The following GPHN variants were observed in gnomAD, a reference collection of about 807,000 sequenced individuals.
The protein encoded by GPHN is gephyrin.
GPHN carries 17 observed loss-of-function variants against 95.5 expected under a neutral mutation model. That is an observed-to-expected ratio of 0.18 (90% CI 0.12 to 0.27). GPHN has a LOEUF of 0.27. GPHN is among the 10% of genes least tolerant of loss of function. The probability of loss-of-function intolerance (pLI) is 1.00; values close to 1 mark genes in which losing one functional copy is unlikely to be tolerated. For missense variants in GPHN, 660 were observed against 978.1 expected (o/e 0.67, Z 4.34); for synonymous variants, 320 against 322.5 (o/e 0.99, Z 0.08).
chr14:67,212,769 T>C, the GPHN span, among the ~76,000 whole-genome samples: 1 of 151,124 alleles, frequency 6.6e-6, no homozygotes, highest in Non-Finnish European at 1.5e-5. Context: ...TAACAAAGTA[T>C]AGGCCAAGGG....
the GPHN span, chr14:67,340,513 T>C: frequency 1.9e-6 from 3 of 1,586,448 alleles, no homozygotes; most frequent in Admixed American, 1.8e-5. Context: ...ATCCGGGGAA[T>C]GATGACTAGA....
intron 13 of GPHN, among the ~76,000 whole-genome samples, chr14:67,103,511 C>CTTTTTTTTTTTTTTTTTTTTTTTT: frequency 5.6e-5 from 3 of 53,396 alleles, no homozygotes; most frequent in South Asian, 7.3e-4. Context: ...GTTTCTTTCT[C>CTTTTTTTTTTTTTTTTTTTTTTTT]TTTTTTTTTT....
chr14:67,332,128 A>ACAC, the GPHN span, among the ~76,000 whole-genome samples: 1 of 152,170 alleles, frequency 6.6e-6, no homozygotes, highest in Non-Finnish European at 1.5e-5. Flanking sequence ...CTTCATTGGC[A>ACAC]GGGGTGATTT....
At chr14:66,777,024 T>C (rs180965333) in intron 3 of GPHN, among the ~76,000 whole-genome samples, 2 of 151,684 alleles carry the variant, frequency 1.3e-5, no homozygotes, top group East Asian at 3.9e-4. Context: ...CTCCCAATGC[T>C]ATCCCGAGCT....
At chr14:67,429,120 G>A in the GPHN span, among the ~76,000 whole-genome samples, 1 of 152,220 alleles carries the variant, frequency 6.6e-6, no homozygotes, top group East Asian at 1.9e-4. Context: ...CTGGGCTGAA[G>A]CCATGACTAA....
At chr14:67,302,684 G>T in the GPHN span, 4 of 826,960 alleles carry the variant, frequency 4.8e-6, no homozygotes, top group Admixed American at 3.2e-5. Flanking sequence ...TTTCTAGCCT[G>T]ATTTTTCCAT....
At chr14:67,503,704 TTTTA>T in the GPHN span, among the ~76,000 whole-genome samples, 3 of 152,114 alleles carry the variant, frequency 2.0e-5, no homozygotes, top group South Asian at 6.2e-4. Flanking sequence ...TATTTTTATT[TTTTA>T]TTTATTTATT....
At chr14:67,716,526 A>T in the GPHN span, among the ~76,000 whole-genome samples, 1 of 152,174 alleles carries the variant, frequency 6.6e-6, no homozygotes, top group South Asian at 2.1e-4. Flanking sequence ...GTTTGTGTGT[A>T]TGTCTGCATG....
chr14:66,955,962 A>G (rs1311833952), intron 8 of GPHN, among the ~76,000 whole-genome samples: 1 of 152,136 alleles, frequency 6.6e-6, no homozygotes, highest in Non-Finnish European at 1.5e-5. Context: ...TCATTGATGG[A>G]CATTTGGGTT....
intron 8 of GPHN, among the ~76,000 whole-genome samples, chr14:66,952,052 C>T (rs961805317): frequency 4.2e-4 from 64 of 152,134 alleles, no homozygotes; most frequent in African/African-American, 1.5e-3. Flanking sequence ...ACATAAAATT[C>T]ACCATTCTAA....
chr14:67,214,424 TC>T, the GPHN span, among the ~76,000 whole-genome samples: 6 of 152,354 alleles, frequency 3.9e-5, no homozygotes, highest in East Asian at 1.2e-3. Context: ...AAATAGGGAA[TC>T]CTTTCCCCAT....
chr14:66,905,901 A>G (rs2065355271), intron 5 of GPHN, among the ~76,000 whole-genome samples: 1 of 151,972 alleles, frequency 6.6e-6, no homozygotes, highest in Non-Finnish European at 1.5e-5. Context: ...TGCAGAGGAC[A>G]TGATTTAATT....
chr14:66,990,294 T>A (rs926639503), intron 9 of GPHN, among the ~76,000 whole-genome samples: 1 of 152,076 alleles, frequency 6.6e-6, no homozygotes, highest in Admixed American at 6.6e-5. Flanking sequence ...CGAGATGAGA[T>A]TTGGGTGGAG....
At chr14:66,648,818 C>G (rs887453481) in intron 1 of GPHN, among the ~76,000 whole-genome samples, 44 of 152,082 alleles carry the variant, frequency 2.9e-4, no homozygotes, top group African/African-American at 1.1e-3. Flanking sequence ...GGCTTAAAAA[C>G]AAAGTCTCAT....
chr14:66,982,958 A>G (rs1166692255), intron 9 of GPHN, among the ~76,000 whole-genome samples: 3 of 152,186 alleles, frequency 2.0e-5, no homozygotes, highest in Non-Finnish European at 4.4e-5. Context: ...AAATGTAATA[A>G]TCAAGCATTT....
intron 9 of GPHN, chr14:66,996,240 T>G (rs896159325): frequency 7.0e-7 from 1 of 1,437,152 alleles, no homozygotes; most frequent in African/African-American, 1.4e-5. Context: ...ACGTGTTTTC[T>G]TACATGGTCA....
At chr14:67,324,293 C>T in the GPHN span, among the ~76,000 whole-genome samples, 5 of 152,086 alleles carry the variant, frequency 3.3e-5, no homozygotes, top group Admixed American at 6.5e-5. Flanking sequence ...TTGAGGTAGT[C>T]CATGTCATAT....
At chr14:67,301,331 A>C in the GPHN span, 1 of 1,058,702 alleles carries the variant, frequency 9.4e-7, no homozygotes, top group South Asian at 1.6e-5. Context: ...CCCTGCATAC[A>C]GGTGCTACTG....
chr14:67,687,424 A>T, the GPHN span, among the ~76,000 whole-genome samples: 8 of 148,462 alleles, frequency 5.4e-5, no homozygotes, highest in Non-Finnish European at 8.9e-5. Flanking sequence ...ACCTTTGTAC[A>T]TTCTCCTCCT....
Sources: allele counts gnomAD v4.1 joint callset (sites outside exome capture counted in the v4.1 genomes callset), GRCh38; gene constraint gnomAD v4.1.1; transcripts MANE v1.5; gene names NCBI Gene and HGNC (gene_info 2026-07-23, HGNC 2026-07-21).